TMX2: variants seen among roughly 807,000 people sequenced by gnomAD.
The protein encoded by TMX2 is thioredoxin-related transmembrane protein 2.
A neutral mutation model predicts 33.4 loss-of-function variants in TMX2; 20 were observed. The observed-to-expected ratio is 0.60, with a 90% CI of 0.42 to 0.87. TMX2 has a LOEUF of 0.87. Ranked by LOEUF, TMX2 falls within the 40% of genes least tolerant of loss-of-function variation. TMX2 has a pLI of 0.00. For missense variants in TMX2, 340 were observed against 370.7 expected, an observed-to-expected ratio of 0.92 and a Z score of 0.68; for synonymous variants, 166 against 140.7, an observed-to-expected ratio of 1.18 and a Z score of -1.27.
chr11:57,732,109 T>C (rs1403680100), intron 1 of TMX2, among the ~76,000 whole-genome samples: 1 of 152,236 alleles, frequency 6.6e-6, no homozygotes, highest in Non-Finnish European at 1.5e-5. Context: ...TCTTTATTCA[T>C]GTGTCTTTTT....
chr11:57,716,304 C>A (rs1383128997), intron 1 of TMX2, among the ~76,000 whole-genome samples: 2 of 139,946 alleles, frequency 1.4e-5, no homozygotes, highest in African/African-American at 2.6e-5. Flanking sequence ...GCTGACCCCC[C>A]CACCTCCCTC....
chr11:57,712,848 C>G (rs1165925225), intron 1 of TMX2, 41 bp downstream of exon 1: 2 of 1,610,004 alleles, frequency 1.2e-6, no homozygotes, highest in Non-Finnish European at 1.7e-6. Flanking sequence ...CCTTGACTGT[C>G]CCTGCCCTTG....
At chr11:57,719,587 G>A (rs1268731412) in intron 1 of TMX2, among the ~76,000 whole-genome samples, 2 of 122,508 alleles carry the variant, frequency 1.6e-5, no homozygotes, top group East Asian at 5.7e-4. Context: ...ATGGTGAGAT[G>A]TCACCTTACT....
chr11:57,738,716 A>T lies in TMX2; in HGVS notation c.494A>T (p.Asn165Ile). ...ACTTGGATTGTGGAGTTCTTTGCCA[A>T]TTGGTCTAATGACTGCCAATCATTT... is the stretch of plus-strand genomic sequence containing the variant. ...RVTWIVEFFA[N>I]WSNDCQSFAP... is the part of the protein sequence containing the mutation. The change falls in exon 5 of 8, where the codon AAT becomes ATT. Residue 165 changes from asparagine to isoleucine, a missense_variant. This residue lies in a region of TMX2 where 209 missense variants were observed against 241.6 expected (regional missense o/e 0.87). Coordinates refer to ENST00000278422, the MANE Select transcript of TMX2 (RefSeq NM_015959.4). 6.2e-7 allele frequency: 1 copy of T among 1,614,184 alleles called. No homozygotes were observed. Among genetic ancestry groups the T allele is most frequent in the East Asian group, 2.2e-5 (1 of 44,878 alleles).
intron 1 of TMX2, among the ~76,000 whole-genome samples, chr11:57,728,169 CTTTTT>C (rs35898776): frequency 6.7e-6 from 1 of 148,788 alleles, no homozygotes; most frequent in African/African-American, 2.5e-5. Context: ...GAGTTTCACT[CTTTTT>C]TTTTTTGAGA....
In TMX2 at chr11:57,712,607, A is replaced by C. The variant is rs747703706; in HGVS notation, c.-12A>C. ...ACGACGCCGGCGAGCAGTGGCCGTT[A>C]CGGCCGAAAAGATGGCGGTCTTGGC... On this transcript the variant is annotated 5_prime_UTR_variant, in exon 1 of 8. Coordinates refer to ENST00000278422, the MANE Select transcript of TMX2 (RefSeq NM_015959.4). The C allele has an allele frequency of 6.2e-7, 1 of 1,602,186 alleles. No individual in the cohort carries two copies. The highest frequency in any genetic ancestry group is 8.5e-7 in the Non-Finnish European group (1 of 1,172,316).
At chr11:57,723,997 A>G (rs1947810979) in intron 1 of TMX2, among the ~76,000 whole-genome samples, 1 of 151,782 alleles carries the variant, frequency 6.6e-6, no homozygotes, top group East Asian at 1.9e-4. Context: ...CCAAGTAACT[A>G]TTTAAAACCA....
intron 1 of TMX2, among the ~76,000 whole-genome samples, chr11:57,729,633 C>T (rs1048748686): frequency 6.6e-6 from 1 of 152,104 alleles, no homozygotes; most frequent in Non-Finnish European, 1.5e-5. Context: ...AAATTTAAGG[C>T]TGTTTAGCTG....
chr11:57,730,349 C>T (rs1407348415), intron 1 of TMX2, among the ~76,000 whole-genome samples: 1 of 139,830 alleles, frequency 7.2e-6, no homozygotes, highest in East Asian at 2.1e-4. Context: ...ATCGCTTGAA[C>T]CTGGGAGGTG....
chr11:57,717,752 A>AG lies in TMX2; in HGVS notation c.189+4948dup, dbSNP rs1204007925. On this transcript the variant is annotated intron_variant, in intron 1 of 7. Coordinates refer to ENST00000278422, the MANE Select transcript of TMX2 (RefSeq NM_015959.4). ...GGAGAGGGGAGAGGGGAGAGGGGAG[A>AG]GGGAGAGGCAGAGGCAGAGGCAGAG... Among the ~76,000 whole-genome samples, 149 of 125,370 alleles carry AG rather than the reference A, an allele frequency of 1.2e-3. 3 individuals are homozygous for AG. Among genetic ancestry groups the AG allele is most frequent in the African/African-American group, 3.5e-3 (111 of 31,298 alleles). 82.2% of individuals were successfully genotyped at this position (125,370 alleles called of 152,430 possible).
chr11:57,722,884 G>A (rs1040197104), intron 1 of TMX2, among the ~76,000 whole-genome samples: 1 of 152,230 alleles, frequency 6.6e-6, no homozygotes, highest in Non-Finnish European at 1.5e-5. Context: ...AGGCTGAGAC[G>A]GGTGGATCAC....
At position 57,715,729 on chromosome 11, in the gene TMX2, G is replaced by A. The variant is rs909227860; in HGVS notation, c.189+2922G>A. Among the ~76,000 whole-genome samples the A allele has an allele frequency of 5.3e-4, 80 of 151,790 alleles. 1 individual carries two copies. The highest frequency in any genetic ancestry group is 3.7e-3 in the Admixed American group (56 of 15,224). Reference sequence around the variant, plus strand: ...GTTTTCCTAGGCAGAGGACCCTGCCGCCTTCCGCAGTGTTTGTGTCCCTGG... The same window carrying A: ...GTTTTCCTAGGCAGAGGACCCTGCCACCTTCCGCAGTGTTTGTGTCCCTGG... On this transcript the variant is annotated intron_variant, in intron 1 of 7. Transcript: ENST00000278422.
At position 57,739,036 on chromosome 11, in the gene TMX2, C is replaced by T. The variant is rs541032860; in HGVS notation, c.611C>T (p.Thr204Met). The T allele has an allele frequency of 2.7e-5, 44 of 1,614,032 alleles. No individual in the cohort carries two copies. Among genetic ancestry groups the T allele is most frequent in the Non-Finnish European group, 3.3e-5 (39 of 1,180,004 alleles). The change falls in exon 6 of 8, where the codon ACG becomes ATG. Residue 204 changes from threonine (T) to methionine (M), a missense_variant. Coordinates refer to ENST00000278422, the MANE Select transcript of TMX2 (RefSeq NM_015959.4). ...GTTGGACGCTATACTGATGTTAGTA[C>T]GCGGTATGTAAAGACCTGGGCAGAG... is the stretch of plus-strand genomic sequence containing the variant. ...VDVGRYTDVSTRYKVSTSPLT... is the reference protein window; with the variant it reads ...VDVGRYTDVSMRYKVSTSPLT...
intron 1 of TMX2, 23 bp downstream of exon 1, chr11:57,712,830 C>T (rs1946697509): frequency 6.2e-7 from 1 of 1,613,318 alleles, no homozygotes; most frequent in Non-Finnish European, 8.5e-7. Context: ...CGTGTTAGTA[C>T]CCCGCGACCT....
chr11:57,724,666 A>G (rs1947858640), intron 1 of TMX2, among the ~76,000 whole-genome samples: 1 of 152,130 alleles, frequency 6.6e-6, no homozygotes, highest in South Asian at 2.1e-4. Flanking sequence ...ACAGGTTAAT[A>G]GAACTGTAAA....
At chr11:57,715,931 G>T (rs1222077667) in intron 1 of TMX2, among the ~76,000 whole-genome samples, 4 of 152,126 alleles carry the variant, frequency 2.6e-5, no homozygotes, top group Non-Finnish European at 5.9e-5. Context: ...TCCCAAGGCA[G>T]AAGAATTTAT....
intron 1 of TMX2, among the ~76,000 whole-genome samples, chr11:57,735,714 G>A (rs1363195823): frequency 2.0e-5 from 3 of 152,146 alleles, no homozygotes; most frequent in African/African-American, 7.2e-5. Context: ...GGAGAAACAC[G>A]TGCATGCTCA....
chr11:57,724,286 G>T (rs1008116567), intron 1 of TMX2, among the ~76,000 whole-genome samples: 6 of 152,106 alleles, frequency 3.9e-5, no homozygotes, highest in Non-Finnish European at 8.8e-5. Context: ...AGGTCTCTTT[G>T]CCCTGAGAAG....
intron 1 of TMX2, among the ~76,000 whole-genome samples, chr11:57,733,247 A>ATTT (rs71061537): frequency 1.4e-3 from 108 of 74,870 alleles, no homozygotes; most frequent in African/African-American, 2.0e-3. Flanking sequence ...ACAGTGAGGA[A>ATTT]TTTTTTTTTT....
Sources: allele counts gnomAD v4.1 joint callset (sites outside exome capture counted in the v4.1 genomes callset), GRCh38; gene constraint gnomAD v4.1.1; regional missense constraint gnomAD v4.1.1; transcripts MANE v1.5; gene names NCBI Gene and HGNC (gene_info 2026-07-23, HGNC 2026-07-21).